Variants in CPNE4 observed in about 807,000 individuals in gnomAD.
The protein encoded by CPNE4 is copine 4.
In CPNE4, 25 loss-of-function variants were observed where a neutral mutation model predicts 67.9. That is an observed-to-expected ratio of 0.37 (90% CI 0.27 to 0.51). The LOEUF (loss-of-function observed/expected upper bound fraction) is 0.51. Ranked by LOEUF, CPNE4 falls within the 20% of genes least tolerant of loss-of-function variation. The pLI is 0.93. For missense variants in CPNE4, 464 were observed against 690.8 expected (o/e 0.67, Z 3.68); for synonymous variants, 242 against 244.9 (o/e 0.99, Z 0.11).
intron 1 of CPNE4, among the ~76,000 whole-genome samples, chr3:131,906,404 C>G (rs1204788119): frequency 4.0e-5 from 5 of 124,628 alleles, no homozygotes; most frequent in Admixed American, 8.5e-5. Flanking sequence ...CCCTCCCCCC[C>G]TCCCCCCACC....
intron 15 of CPNE4, among the ~76,000 whole-genome samples, chr3:131,540,799 A>G (rs1232382450): frequency 6.6e-6 from 1 of 152,222 alleles, no homozygotes; most frequent in Non-Finnish European, 1.5e-5. Flanking sequence ...TTTGAGCCCT[A>G]TGCAGGGAGG....
At chr3:131,899,476 A>G (rs9809611) in intron 2 of CPNE4, among the ~76,000 whole-genome samples, 98,260 of 151,892 alleles carry the variant, frequency 0.65, 32,047 homozygotes, top group Admixed American at 0.73. Context: ...ATGTCTGCAG[A>G]CAACAGAAAG....
intron 1 of CPNE4, among the ~76,000 whole-genome samples, chr3:131,928,790 G>T (rs1183614280): frequency 6.6e-6 from 1 of 152,202 alleles, no homozygotes; most frequent in Non-Finnish European, 1.5e-5. Context: ...GCATGTGCTA[G>T]GGGAAGCTGC....
At chr3:131,611,768 T>C (rs1295805129) in intron 7 of CPNE4, among the ~76,000 whole-genome samples, 1 of 152,082 alleles carries the variant, frequency 6.6e-6, no homozygotes, top group Non-Finnish European at 1.5e-5. Context: ...CAATTTGCAC[T>C]CTCCTGCAAT....
At chr3:131,914,021 T>C (rs756560872) in intron 1 of CPNE4, among the ~76,000 whole-genome samples, 2 of 152,204 alleles carry the variant, frequency 1.3e-5, no homozygotes, top group Non-Finnish European at 2.9e-5. Context: ...AACATTCTTT[T>C]AATTCTTATA....
intron 2 of CPNE4, among the ~76,000 whole-genome samples, chr3:131,869,092 A>G: frequency 6.6e-6 from 1 of 152,158 alleles, no homozygotes; most frequent in Non-Finnish European, 1.5e-5. Context: ...GGAAATAGAA[A>G]AAGAAGTCCT....
chr3:131,769,371 ATGTT>A (rs1260526240), intron 2 of CPNE4, among the ~76,000 whole-genome samples: 1 of 152,172 alleles, frequency 6.6e-6, no homozygotes, highest in African/African-American at 2.4e-5. Context: ...ATGAAGGTGT[ATGTT>A]TGAGTGAAGA....
chr3:131,830,267 C>T (rs936920872), intron 2 of CPNE4, among the ~76,000 whole-genome samples: 5 of 152,228 alleles, frequency 3.3e-5, no homozygotes, highest in African/African-American at 1.2e-4. Flanking sequence ...GACTTTTCTC[C>T]ACCTCCACCT....
chr3:131,848,510 T>C (rs2086092674), intron 2 of CPNE4, among the ~76,000 whole-genome samples: 1 of 151,914 alleles, frequency 6.6e-6, no homozygotes, highest in African/African-American at 2.4e-5. Flanking sequence ...TACTTGTTGT[T>C]AAATATAAGA....
chr3:132,035,004 C>A lies in CPNE4; in HGVS notation c.-439G>T, dbSNP rs1320018477. ...TGGCAGCTTCTCACAGAGAGATTTC[C>A]ACCTTCTGACGAATCCCATGCACCC... On this transcript the variant is annotated 5_prime_UTR_variant, in exon 1 of 16. Coordinates refer to ENST00000429747, the MANE Select transcript of CPNE4 (RefSeq NM_130808.3). The A allele has an allele frequency of 1.0e-6, 1 of 985,060 alleles. No individual in the cohort carries two copies. The highest frequency in any genetic ancestry group is 6.2e-5 in the Admixed American group (1 of 16,260). 61.0% of individuals were successfully genotyped at this position (985,060 alleles called of 1,614,324 possible).
intron 1 of CPNE4, among the ~76,000 whole-genome samples, chr3:131,909,172 C>T (rs1239453268): frequency 6.6e-6 from 1 of 152,178 alleles, no homozygotes; most frequent in Non-Finnish European, 1.5e-5. Context: ...GATTCATACA[C>T]ATGAGCCAAT....
intron 2 of CPNE4, among the ~76,000 whole-genome samples, chr3:131,806,330 C>A (rs1383834872): frequency 3.9e-5 from 6 of 152,118 alleles, no homozygotes; most frequent in Non-Finnish European, 8.8e-5. Context: ...GCGGGTAGAT[C>A]ATGAGGTCAG....
rs544734618 is a variant in CPNE4 at position 131,778,698 on chromosome 3, A to C, written c.181-55073T>G. ...CCCAGACACTGTGAACAGGGTAGAA[A>C]CTCTTTCCTTCCTGTCTTACCTTTT... On this transcript the variant is annotated intron_variant, in intron 2 of 15. Coordinates refer to ENST00000429747, the MANE Select transcript of CPNE4 (RefSeq NM_130808.3). Among the ~76,000 whole-genome samples the C allele has an allele frequency of 2.6e-5, 4 of 151,960 alleles. No individual in the cohort carries two copies. In the East Asian group the frequency reaches 5.8e-4, roughly 22 times the overall value.
intron 1 of CPNE4, among the ~76,000 whole-genome samples, chr3:131,984,483 C>T (rs960147488): frequency 2.0e-5 from 3 of 152,130 alleles, no homozygotes; most frequent in African/African-American, 7.2e-5. Flanking sequence ...AACTCTTCTC[C>T]CCCACCTCTA....
At chr3:131,553,293 C>G (rs960940326) in intron 12 of CPNE4, among the ~76,000 whole-genome samples, 2 of 152,096 alleles carry the variant, frequency 1.3e-5, no homozygotes, top group East Asian at 3.9e-4. Context: ...TTAAAAGACA[C>G]CTGTTTTCTT....
intron 1 of CPNE4, among the ~76,000 whole-genome samples, chr3:131,905,668 A>G (rs1204551859): frequency 6.6e-6 from 1 of 152,110 alleles, no homozygotes; most frequent in East Asian, 1.9e-4. Flanking sequence ...TAAGAACACT[A>G]CTTTCTTGTA....
chr3:131,801,402 A>ATAT (rs71622077), intron 2 of CPNE4, among the ~76,000 whole-genome samples: 20,727 of 113,264 alleles, frequency 0.18, 3,001 homozygotes, highest in Non-Finnish European at 0.25. Context: ...ATATATATAT[A>ATAT]GGTACATATA....
At position 131,748,663 on chromosome 3, in the gene CPNE4, T is replaced by C. The variant is rs1484233478; in HGVS notation, c.181-25038A>G. On this transcript the variant is annotated intron_variant, in intron 2 of 15. Coordinates refer to ENST00000429747, the MANE Select transcript of CPNE4 (RefSeq NM_130808.3). ...ATTTTGGGTTAATTTTTGCAGTTTG[T>C]GTTTTTCATAAAGTGACATTGTCAA... 2.0e-5 allele frequency among the ~76,000 whole-genome samples: 3 copies of C among 152,250 alleles called. No individual in the cohort carries two copies. The East Asian group carries it at 5.8e-4, about 29-fold the overall frequency.
At chr3:131,930,092 G>A (rs2071012574) in intron 1 of CPNE4, among the ~76,000 whole-genome samples, 1 of 152,270 alleles carries the variant, frequency 6.6e-6, no homozygotes, top group African/African-American at 2.4e-5. Flanking sequence ...AGATAGTCAT[G>A]TTAAAGTATT....
Sources: allele counts gnomAD v4.1 joint callset (sites outside exome capture counted in the v4.1 genomes callset), GRCh38; gene constraint gnomAD v4.1.1; transcripts MANE v1.5; gene names NCBI Gene and HGNC (gene_info 2026-07-23, HGNC 2026-07-21).